The following ZNF98 variants were observed in gnomAD, a reference collection of about 807,000 sequenced individuals.
The protein encoded by ZNF98 is zinc finger protein 98.
ZNF98 carries 8 observed loss-of-function variants against 12.8 expected under a neutral mutation model. That is an observed-to-expected ratio of 0.63 (90% CI 0.37 to 1.13). The LOEUF (loss-of-function observed/expected upper bound fraction) is 1.13, where lower values mean the gene tolerates loss of function less well. ZNF98 is among the 50% of genes most tolerant of loss of function. The pLI, the probability that ZNF98 is intolerant of heterozygous loss-of-function variation, is 0.01. For missense variants in ZNF98, 379 were observed against 666.1 expected, an observed-to-expected ratio of 0.57 and a Z score of 4.74; for synonymous variants, 112 against 223.5, an observed-to-expected ratio of 0.50 and a Z score of 4.45.
chr19:22,409,921 A>C (rs1466470002), intron 1 of ZNF98, among the ~76,000 whole-genome samples: 1 of 149,750 alleles, frequency 6.7e-6, no homozygotes, highest in Non-Finnish European at 1.5e-5. Context: ...CACAAAAAAA[A>C]AAAAAAAAAA....
At chr19:22,416,161 C>CA (rs1282126520) in intron 1 of ZNF98, among the ~76,000 whole-genome samples, 5 of 148,914 alleles carry the variant, frequency 3.4e-5, no homozygotes, top group African/African-American at 1.2e-4. Flanking sequence ...CAAAACAAAA[C>CA]AAAAAAATTT....
intron 1 of ZNF98, among the ~76,000 whole-genome samples, chr19:22,409,013 G>A (rs1399867626): frequency 6.6e-6 from 1 of 152,070 alleles, no homozygotes; most frequent in Non-Finnish European, 1.5e-5. Flanking sequence ...CAAAGATAGA[G>A]GCATCACACT....
chr19:22,416,811 GCA>G (rs896126940), intron 1 of ZNF98, among the ~76,000 whole-genome samples: 4 of 151,014 alleles, frequency 2.6e-5, no homozygotes, highest in South Asian at 4.2e-4. Context: ...GTTAAAACAT[GCA>G]CACACACACA....
intron 3 of ZNF98, among the ~76,000 whole-genome samples, chr19:22,401,298 C>A (rs1969454234): frequency 6.6e-6 from 1 of 151,982 alleles, no homozygotes; most frequent in Non-Finnish European, 1.5e-5. Context: ...TGGTTCCATA[C>A]ACTTTAAACA....
rs745911858 is a variant in ZNF98 at position 22,403,363 on chromosome 19, T to C, written c.157+23A>G. On this transcript the variant is annotated intron_variant, in intron 2 of 3. Transcript: ENST00000357774. Reference sequence around the variant, plus strand: ...AAAATTTATAGGGTATATTAGGGAATTGTATATTGAAGTTATCCTCACCCA... The same window carrying C: ...AAAATTTATAGGGTATATTAGGGAACTGTATATTGAAGTTATCCTCACCCA... The C allele has an allele frequency of 9.7e-6, 15 of 1,553,604 alleles. No homozygotes were observed. The South Asian group carries it at 1.2e-4, about 12-fold the overall frequency.
intron 1 of ZNF98, among the ~76,000 whole-genome samples, chr19:22,414,570 C>T (rs1327207461): frequency 1.3e-5 from 2 of 151,964 alleles, no homozygotes; most frequent in Non-Finnish European, 2.9e-5. Flanking sequence ...GAATAGAGAG[C>T]CCATAATAAT....
intron 3 of ZNF98, among the ~76,000 whole-genome samples, chr19:22,397,212 T>TTTGTGTG (rs368992859): frequency 0.051 from 7,345 of 145,220 alleles, 216 homozygotes; most frequent in Admixed American, 0.078. Context: ...GTGTGTGTTT[T>TTTGTGTG]TGTGTGTGTG....
In ZNF98 at chr19:22,422,210, A is replaced by G; in HGVS notation, c.15T>C (p.Leu5=). ...GCACTCTCACCATTTCTAGGCTTCC[A>G]AGGGGTCCTGGCATCTTAGCTGTGG... MPGP[L]GSLEMGVLTF... The change falls in exon 1 of 4, where the codon CTT becomes CTC. Residue 5 remains leucine (L), a synonymous_variant. Coordinates refer to ENST00000357774, the MANE Select transcript of ZNF98 (RefSeq NM_001098626.2). 1.2e-6 allele frequency: 2 copies of G among 1,612,940 alleles called. No homozygotes were observed. The highest frequency in any genetic ancestry group is 8.5e-7 in the Non-Finnish European group (1 of 1,179,190).
chr19:22,409,664 C>T (rs1969559309), intron 1 of ZNF98, among the ~76,000 whole-genome samples: 2 of 151,962 alleles, frequency 1.3e-5, no homozygotes, highest in Non-Finnish European at 2.9e-5. Flanking sequence ...GTCATCCCAC[C>T]ACTTTCGGAG....
intron 1 of ZNF98, among the ~76,000 whole-genome samples, chr19:22,421,792 T>C (rs979615510): frequency 6.6e-6 from 1 of 152,166 alleles, no homozygotes; most frequent in Non-Finnish European, 1.5e-5. Context: ...ACATTTTTAA[T>C]AGGCGAAAAG....
intron 1 of ZNF98, among the ~76,000 whole-genome samples, chr19:22,407,678 C>A (rs1428147142): frequency 6.6e-6 from 1 of 151,652 alleles, no homozygotes; most frequent in Non-Finnish European, 1.5e-5. Context: ...TGCCACTATA[C>A]TCCAACCTGG....
intron 1 of ZNF98, among the ~76,000 whole-genome samples, chr19:22,419,949 A>G (rs1969685778): frequency 6.6e-6 from 1 of 152,056 alleles, no homozygotes; most frequent in African/African-American, 2.4e-5. Context: ...CCAGGTCAGG[A>G]GTTCGAGACC....
At chr19:22,419,410 G>A (rs901912607) in intron 1 of ZNF98, among the ~76,000 whole-genome samples, 1 of 152,042 alleles carries the variant, frequency 6.6e-6, no homozygotes, top group African/African-American at 2.4e-5. Context: ...AGCAGGCTGG[G>A]ACATCTGCGA....
At chr19:22,393,008 C>T in intron 3 of ZNF98, 27 bp from the exon 4 acceptor site, 1 of 1,457,952 alleles carries the variant, frequency 6.9e-7, no homozygotes, top group Non-Finnish European at 9.0e-7. Context: ...TAATAAATTA[C>T]TTCACTTACT....
chr19:22,417,321 T>C (rs1352828421), intron 1 of ZNF98, among the ~76,000 whole-genome samples: 1 of 146,892 alleles, frequency 6.8e-6, no homozygotes, highest in Non-Finnish European at 1.5e-5. Flanking sequence ...CACTGAGGCG[T>C]AGTTGAGGTT....
chr19:22,392,906 C>A lies in ZNF98; in HGVS notation c.329G>T (p.Arg110Ile). The A allele has an allele frequency of 6.3e-7, 1 of 1,595,920 alleles. No individual in the cohort carries two copies. The highest frequency in any genetic ancestry group is 8.5e-7 in the Non-Finnish European group (1 of 1,174,478). The change falls in exon 4 of 4, where the codon AGA becomes ATA. Residue 110 changes from arginine (R) to isoleucine (I), a missense_variant. Arg to Ile is a moderately conservative substitution (Grantham distance 97, BLOSUM62 -3). Around this residue, in one of 8 missense-constraint regions of ZNF98, gnomAD observed 223 missense variants for 261.6 expected, o/e 0.85. Transcript: ENST00000357774. ...TTCACGTCCACATTTTTTATATGTT[C>A]TCAGTATCACTTTTTGGAAATAATT... ...KKNYFQKVIL[R>I]TYKKCGRENL...
intron 1 of ZNF98, among the ~76,000 whole-genome samples, chr19:22,410,834 C>T (rs1164352795): frequency 6.6e-6 from 1 of 152,110 alleles, no homozygotes; most frequent in African/African-American, 2.4e-5. Context: ...GCTGATGTTG[C>T]TCCCCCTAGG....
chr19:22,415,253 T>C (rs1969627241), intron 1 of ZNF98, among the ~76,000 whole-genome samples: 1 of 152,176 alleles, frequency 6.6e-6, no homozygotes, highest in Admixed American at 6.5e-5. Flanking sequence ...GGAATGCTTA[T>C]ACCAGTGGGA....
At chr19:22,402,478 T>C (rs4932762) in intron 3 of ZNF98, 44 of 412,760 alleles carry the variant, frequency 1.1e-4, no homozygotes, top group African/African-American at 6.4e-4. Context: ...AGATTATCTA[T>C]GTGTTTTCAA....
Sources: allele counts gnomAD v4.1 joint callset (sites outside exome capture counted in the v4.1 genomes callset), GRCh38; gene constraint gnomAD v4.1.1; regional missense constraint gnomAD v4.1.1; transcripts MANE v1.5; gene names NCBI Gene and HGNC (gene_info 2026-07-23, HGNC 2026-07-21).